Variants in TENM2 observed in about 807,000 individuals in gnomAD.
The protein encoded by TENM2 is teneurin-2.
Under a neutral mutation model 245.2 loss-of-function variants are expected in TENM2, and 52 were observed. That is an observed-to-expected ratio of 0.21 (90% CI 0.17 to 0.27). The LOEUF is 0.27. Among genes scored for constraint, TENM2 ranks in the 10% least tolerant of loss-of-function variants. The pLI, the probability that TENM2 is intolerant of heterozygous loss-of-function variation, is 1.00. For synonymous variants in TENM2, 1,363 were observed against 1,438.9 expected (o/e 0.95, Z 1.19); for missense variants, 3,046 against 3,666.8 (o/e 0.83, Z 4.37).
intron 5 of TENM2, among the ~76,000 whole-genome samples, chr5:168,046,967 G>A (rs954705951): frequency 2.0e-5 from 3 of 152,160 alleles, no homozygotes; most frequent in African/African-American, 7.2e-5. Context: ...GGTACTATTC[G>A]GGTAGCCTCC....
intron 19 of TENM2, among the ~76,000 whole-genome samples, chr5:168,210,509 G>A (rs764063549): frequency 2.6e-5 from 4 of 152,120 alleles, no homozygotes; most frequent in South Asian, 2.1e-4. Flanking sequence ...AAATAGACGC[G>A]AGAATTCCCG....
chr5:167,558,334 G>A (rs1381132857), intron 2 of TENM2, among the ~76,000 whole-genome samples: 1 of 152,220 alleles, frequency 6.6e-6, no homozygotes, highest in Admixed American at 6.5e-5. Context: ...GATCATTCCT[G>A]AGAAGTACTT....
the TENM2 span, among the ~76,000 whole-genome samples, chr5:167,097,263 G>A: frequency 4.6e-5 from 7 of 152,138 alleles, no homozygotes; most frequent in Non-Finnish European, 1.0e-4. Context: ...AAAAATTCAG[G>A]ATGTTATTTA....
chr5:167,275,569 T>C, the TENM2 span, among the ~76,000 whole-genome samples: 3 of 152,116 alleles, frequency 2.0e-5, no homozygotes, highest in Non-Finnish European at 1.5e-5. Flanking sequence ...ACATAATTTC[T>C]ATACATGTTT....
intron 2 of TENM2, among the ~76,000 whole-genome samples, chr5:167,450,869 C>T (rs564152820): frequency 1.6e-4 from 25 of 152,250 alleles, no homozygotes; most frequent in Non-Finnish European, 5.9e-5. Flanking sequence ...GGATGTTTCT[C>T]TGTGGGATAT....
intron 2 of TENM2, among the ~76,000 whole-genome samples, chr5:167,826,124 G>A (rs1767957427): frequency 6.6e-6 from 1 of 152,196 alleles, no homozygotes; most frequent in African/African-American, 2.4e-5. Context: ...AAAATCTCAG[G>A]CAGACAAAAT....
chr5:167,651,244 G>A (rs1754444256), intron 2 of TENM2, among the ~76,000 whole-genome samples: 1 of 151,996 alleles, frequency 6.6e-6, no homozygotes, highest in South Asian at 2.1e-4. Context: ...TAAGAACAAA[G>A]TGTAAGGCTG....
intron 2 of TENM2, among the ~76,000 whole-genome samples, chr5:167,752,372 C>T (rs1342764810): frequency 2.0e-5 from 3 of 150,486 alleles, no homozygotes; most frequent in African/African-American, 7.4e-5. Flanking sequence ...CCTTGGCCTT[C>T]CAAAGTGCTG....
At chr5:167,147,185 A>G in the TENM2 span, among the ~76,000 whole-genome samples, 54 of 152,338 alleles carry the variant, frequency 3.5e-4, no homozygotes, top group Admixed American at 1.1e-3. Flanking sequence ...ATTAGATCGT[A>G]TAGGGAAACA....
At chr5:167,656,016 G>A (rs562576593) in intron 2 of TENM2, among the ~76,000 whole-genome samples, 6 of 152,180 alleles carry the variant, frequency 3.9e-5, no homozygotes, top group South Asian at 2.1e-4. Context: ...TTCATATTGC[G>A]CCGGGCCTTG....
intron 1 of TENM2, among the ~76,000 whole-genome samples, chr5:167,337,470 A>G (rs1046969530): frequency 6.6e-6 from 1 of 152,202 alleles, no homozygotes; most frequent in South Asian, 2.1e-4. Flanking sequence ...CAAGGAAGAG[A>G]CATGTTAAAA....
At chr5:167,184,120 A>G in the TENM2 span, among the ~76,000 whole-genome samples, 2 of 152,366 alleles carry the variant, frequency 1.3e-5, no homozygotes, top group East Asian at 3.9e-4. Context: ...AGAGAATTAT[A>G]CTAATTCCTG....
At chr5:168,153,265 T>G (rs1377575860) in intron 12 of TENM2, among the ~76,000 whole-genome samples, 1 of 152,080 alleles carries the variant, frequency 6.6e-6, no homozygotes, top group African/African-American at 2.4e-5. Flanking sequence ...CCTCAGAGAT[T>G]GTGATTTAAT....
the TENM2 span, among the ~76,000 whole-genome samples, chr5:166,992,149 G>A: frequency 8.9e-4 from 135 of 151,400 alleles, no homozygotes; most frequent in Middle Eastern, 3.4e-3. Context: ...AATAAATCAT[G>A]CTATAGATAA....
chr5:167,818,091 T>C (rs1236337139), intron 2 of TENM2, among the ~76,000 whole-genome samples: 1 of 152,214 alleles, frequency 6.6e-6, no homozygotes, highest in Non-Finnish European at 1.5e-5. Context: ...GAAATAGTGT[T>C]ACTTTACAGT....
intron 3 of TENM2, among the ~76,000 whole-genome samples, chr5:167,887,887 C>T (rs1258493855): frequency 6.6e-6 from 1 of 152,124 alleles, no homozygotes; most frequent in Non-Finnish European, 1.5e-5. Context: ...TCCTTCCTTG[C>T]CTCTTCTAGC....
chr5:167,560,666 G>A (rs1196752199), intron 2 of TENM2, among the ~76,000 whole-genome samples: 1 of 152,106 alleles, frequency 6.6e-6, no homozygotes, highest in African/African-American at 2.4e-5. Context: ...GGATCAAATG[G>A]GAGCAAACAT....
chr5:167,824,305 T>C (rs1000001570), intron 2 of TENM2, among the ~76,000 whole-genome samples: 2 of 152,068 alleles, frequency 1.3e-5, no homozygotes, highest in East Asian at 3.9e-4. Context: ...GATCTCCTAG[T>C]GTCATGTAGA....
the TENM2 span, among the ~76,000 whole-genome samples, chr5:167,195,859 A>AT: frequency 1.3e-5 from 2 of 151,966 alleles, no homozygotes; most frequent in African/African-American, 4.8e-5. Flanking sequence ...TGATCTACAC[A>AT]CCTGTATTTG....
Sources: allele counts gnomAD v4.1 joint callset (sites outside exome capture counted in the v4.1 genomes callset), GRCh38; gene constraint gnomAD v4.1.1; transcripts MANE v1.5; gene names NCBI Gene and HGNC (gene_info 2026-07-23, HGNC 2026-07-21).